Variants in SNX29 observed in about 807,000 individuals in gnomAD.
SNX29 encodes the protein sorting nexin 29.
In SNX29, 78 loss-of-function variants were observed where a neutral mutation model predicts 102.1. The ratio of observed to expected loss-of-function variants is 0.76; its 90% CI spans 0.64 to 0.92. The LOEUF (loss-of-function observed/expected upper bound fraction) is 0.92, where lower values mean the gene tolerates loss of function less well. Ranked by LOEUF, SNX29 falls within the 40% of genes least tolerant of loss-of-function variation. The pLI, the probability that SNX29 is intolerant of heterozygous loss-of-function variation, is 0.00. For missense variants in SNX29, 1,280 were observed against 1,061.7 expected, an observed-to-expected ratio of 1.21 and a Z score of -2.86; for synonymous variants, 580 against 414.5, an observed-to-expected ratio of 1.40 and a Z score of -4.85.
At chr16:12,504,139 C>T (rs1010328987) in intron 19 of SNX29, among the ~76,000 whole-genome samples, 3 of 151,872 alleles carry the variant, frequency 2.0e-5, no homozygotes, top group East Asian at 1.9e-4. Flanking sequence ...CATTTCCTAT[C>T]GATGGAATAG....
chr16:12,542,176 G>A (rs1244253694), intron 20 of SNX29, among the ~76,000 whole-genome samples: 1 of 152,140 alleles, frequency 6.6e-6, no homozygotes, highest in Non-Finnish European at 1.5e-5. Context: ...GTCAGGCCCT[G>A]TGCTAAGCCT....
chr16:12,472,909 C>A (rs912182198), intron 18 of SNX29, among the ~76,000 whole-genome samples: 2 of 152,128 alleles, frequency 1.3e-5, no homozygotes, highest in African/African-American at 4.8e-5. Flanking sequence ...AGATATTACC[C>A]TCCTATTTAA....
intron 2 of SNX29, among the ~76,000 whole-genome samples, chr16:11,999,976 C>T (rs765939828): frequency 1.3e-5 from 2 of 151,082 alleles, no homozygotes; most frequent in Non-Finnish European, 2.9e-5. Context: ...TGTTTGAGGG[C>T]AACTCTGAGG....
intron 15 of SNX29, among the ~76,000 whole-genome samples, chr16:12,301,625 G>T (rs1436825194): frequency 6.6e-6 from 1 of 152,204 alleles, no homozygotes; most frequent in Non-Finnish European, 1.5e-5. Flanking sequence ...TTACGTCGTT[G>T]TTGGCTCTTT....
chr16:12,569,700 AGAG>A lies in SNX29; in HGVS notation c.*1077_*1079del, dbSNP rs368364143. The A allele has an allele frequency of 4.8e-5, 11 of 230,444 alleles. No homozygotes were observed. The highest frequency in any genetic ancestry group is 2.5e-4 in the East Asian group (4 of 16,256). 14.3% of individuals were successfully genotyped at this position (230,444 alleles called of 1,614,324 possible). A position where few individuals can be genotyped will look rare whatever the true frequency, so the allele number is the denominator to read the frequency against. On this transcript the variant is annotated 3_prime_UTR_variant, in exon 21 of 21. Coordinates refer to ENST00000566228, the MANE Select transcript of SNX29 (RefSeq NM_032167.5). The stretch of plus-strand genomic sequence containing the variant: ...AGAGTACAGGGACCTTGGCAGGTGG[AGAG>A]GAGGATGGGGACCAGCAGCTGGGCA...
At chr16:12,567,017 G>A (rs918376159) in intron 20 of SNX29, among the ~76,000 whole-genome samples, 1 of 152,232 alleles carries the variant, frequency 6.6e-6, no homozygotes, top group African/African-American at 2.4e-5. Context: ...GTAGATCATT[G>A]TGAAGAGATT....
intron 18 of SNX29, among the ~76,000 whole-genome samples, chr16:12,456,270 T>A (rs2086533344): frequency 6.6e-6 from 1 of 152,200 alleles, no homozygotes; most frequent in Non-Finnish European, 1.5e-5. Flanking sequence ...ATAAATAAAG[T>A]CTTGATATGT....
chr16:12,067,312 G>A (rs1370748235), intron 9 of SNX29, among the ~76,000 whole-genome samples: 2 of 151,992 alleles, frequency 1.3e-5, no homozygotes, highest in Non-Finnish European at 2.9e-5. Flanking sequence ...TTTCCCTGAA[G>A]TTCAGCCCCT....
At chr16:12,472,211 G>A (rs1047315113) in intron 18 of SNX29, among the ~76,000 whole-genome samples, 3 of 143,494 alleles carry the variant, frequency 2.1e-5, no homozygotes, top group Non-Finnish European at 3.0e-5. Context: ...CACTGGTTCC[G>A]TTTAGGTCAA....
intron 3 of SNX29, among the ~76,000 whole-genome samples, chr16:12,005,754 GC>G (rs766727239): frequency 1.2e-4 from 19 of 152,170 alleles, no homozygotes; most frequent in Non-Finnish European, 1.9e-4. Context: ...TTGAGTACCA[GC>G]ATGATGCTCA....
rs1254389877 is a variant in SNX29, at chr16:12,370,607, A to C, written c.1899+14328A>C. Among the ~76,000 whole-genome samples, 3 of 152,216 alleles carry C rather than the reference A, an allele frequency of 2.0e-5. No individual in the cohort carries two copies. In the East Asian group the frequency reaches 5.8e-4, roughly 29 times the overall value. ...TCTCTGCTTCCTTGTCTCTTGGGCC[A>C]TCAGTCACGTAGGCACTTTGGGCGA... On this transcript the variant is annotated intron_variant, in intron 16 of 20. Coordinates refer to ENST00000566228, the MANE Select transcript of SNX29 (RefSeq NM_032167.5).
At chr16:12,294,812 C>T (rs1245885117) in intron 15 of SNX29, among the ~76,000 whole-genome samples, 1 of 152,126 alleles carries the variant, frequency 6.6e-6, no homozygotes, top group Non-Finnish European at 1.5e-5. Context: ...GCTGGAGCTC[C>T]CGGGAAGAGA....
intron 16 of SNX29, among the ~76,000 whole-genome samples, chr16:12,370,496 G>T (rs956571061): frequency 6.6e-6 from 1 of 152,160 alleles, no homozygotes; most frequent in Non-Finnish European, 1.5e-5. Context: ...GGAGGTGGAG[G>T]TTGCAGCAAG....
rs149849197 is a variant in SNX29, at chr16:12,554,077, T to G, written c.2319-14429T>G. Reference sequence around the variant, plus strand: ...CTGACCTCAAATGATCCTCTCACCTTGGCCTCCCAAAAGCACTTGGGATTA... The same window carrying G: ...CTGACCTCAAATGATCCTCTCACCTGGGCCTCCCAAAAGCACTTGGGATTA... On this transcript the variant is annotated intron_variant, in intron 20 of 20. Transcript: ENST00000566228. 1.1e-3 allele frequency among the ~76,000 whole-genome samples: 168 copies of G among 152,320 alleles called. 1 individual carries two copies. Among genetic ancestry groups the G allele is most frequent in the African/African-American group, 3.6e-3 (150 of 41,570 alleles).
At chr16:12,501,315 G>GA (rs1386923501) in intron 19 of SNX29, among the ~76,000 whole-genome samples, 3 of 152,096 alleles carry the variant, frequency 2.0e-5, no homozygotes, top group Non-Finnish European at 4.4e-5. Flanking sequence ...GAGGCAGAAG[G>GA]ATTGCTTGAG....
chr16:12,264,014 C>T (rs1046416320), intron 14 of SNX29, among the ~76,000 whole-genome samples: 4 of 152,200 alleles, frequency 2.6e-5, no homozygotes, highest in Non-Finnish European at 5.9e-5. Flanking sequence ...GACCAGGCAC[C>T]CTTCTGATTG....
At chr16:12,335,532 T>C (rs1474581982) in intron 15 of SNX29, among the ~76,000 whole-genome samples, 6 of 152,032 alleles carry the variant, frequency 3.9e-5, no homozygotes, top group East Asian at 1.9e-4. Flanking sequence ...AAAAATTAGC[T>C]GGGCATGGTT....
At chr16:12,023,499 G>A (rs982519123) in intron 3 of SNX29, among the ~76,000 whole-genome samples, 1 of 150,184 alleles carries the variant, frequency 6.7e-6, no homozygotes, top group African/African-American at 2.5e-5. Context: ...GATCGTTTGA[G>A]CCTGGGAGAT....
intron 14 of SNX29, among the ~76,000 whole-genome samples, chr16:12,241,990 C>T (rs376085811): frequency 4.1e-4 from 62 of 152,230 alleles, no homozygotes; most frequent in African/African-American, 1.4e-3. Flanking sequence ...ATCTAAGAAC[C>T]CATAGCTGGC....
Sources: allele counts gnomAD v4.1 joint callset (sites outside exome capture counted in the v4.1 genomes callset), GRCh38; gene constraint gnomAD v4.1.1; transcripts MANE v1.5; gene names NCBI Gene and HGNC (gene_info 2026-07-23, HGNC 2026-07-21).